Variants in NHSL3 observed in about 807,000 individuals in gnomAD.
NHSL3 encodes the protein NHS like 3, also known as NHS-like protein 3.
At chr1:32,763,907 C>T in the NHSL3 span, among the ~76,000 whole-genome samples, 3 of 151,928 alleles carry the variant, frequency 2.0e-5, no homozygotes, top group Non-Finnish European at 4.4e-5. Context: ...GTCACTCAGG[C>T]GGGAGTGCAG....
the NHSL3 span, among the ~76,000 whole-genome samples, chr1:32,760,596 T>G: frequency 6.6e-6 from 1 of 150,526 alleles, no homozygotes; most frequent in Non-Finnish European, 1.5e-5. Context: ...GTGTTTTTTT[T>G]TTTTTTTTGT....
chr1:32,742,008 G>C, the NHSL3 span: 1 of 1,224,668 alleles, frequency 8.2e-7, no homozygotes, highest in East Asian at 3.3e-5. Context: ...CGGGGAACCC[G>C]GGCGGCCCCC....
the NHSL3 span, among the ~76,000 whole-genome samples, chr1:32,764,158 G>C: frequency 2.0e-5 from 3 of 152,116 alleles, no homozygotes; most frequent in South Asian, 2.1e-4. Flanking sequence ...ACCATGCCCA[G>C]CCTATTCTTT....
chr1:32,771,916 C>G, the NHSL3 span: 1 of 1,594,486 alleles, frequency 6.3e-7, no homozygotes. Flanking sequence ...GAAACCACTG[C>G]GAAGGGCCCT....
At chr1:32,766,245 T>C in the NHSL3 span, among the ~76,000 whole-genome samples, 2 of 152,080 alleles carry the variant, frequency 1.3e-5, no homozygotes, top group African/African-American at 4.8e-5. Context: ...AAATCCTGTT[T>C]AGAGGCCTGG....
chr1:32,756,552 G>C, the NHSL3 span, among the ~76,000 whole-genome samples: 1 of 134,392 alleles, frequency 7.4e-6, no homozygotes, highest in Admixed American at 9.1e-5. Context: ...CCAGTAGCTT[G>C]AGAGGCTGAG....
chr1:32,750,518 A>AT, the NHSL3 span, among the ~76,000 whole-genome samples: 4 of 151,734 alleles, frequency 2.6e-5, no homozygotes, highest in African/African-American at 7.3e-5. Flanking sequence ...TTTCATTTTT[A>AT]TTTTTTGAGA....
the NHSL3 span, chr1:32,772,277 T>TCCCCCCCC: frequency 2.9e-5 from 46 of 1,586,890 alleles, no homozygotes; most frequent in Non-Finnish European, 3.4e-5. Flanking sequence ...TCTGTGGGAG[T>TCCCCCCCC]CCCCCCACCC....
At chr1:32,742,254 C>G in the NHSL3 span, 1 of 1,226,488 alleles carries the variant, frequency 8.2e-7, no homozygotes, top group Admixed American at 4.3e-5. Flanking sequence ...GGGGGCTCTG[C>G]CGGGGGTCCG....
At chr1:32,746,888 T>C in the NHSL3 span, among the ~76,000 whole-genome samples, 1 of 152,190 alleles carries the variant, frequency 6.6e-6, no homozygotes, top group African/African-American at 2.4e-5. Context: ...GTAGTCCTCC[T>C]GAGGGTTTCT....
the NHSL3 span, among the ~76,000 whole-genome samples, chr1:32,772,656 A>G: frequency 5.3e-5 from 8 of 152,096 alleles, no homozygotes; most frequent in Non-Finnish European, 1.2e-4. Flanking sequence ...CTCTTTCCCT[A>G]CCCTTCCTAG....
chr1:32,742,219 G>T, the NHSL3 span: 8 of 1,238,268 alleles, frequency 6.5e-6, no homozygotes, highest in South Asian at 1.4e-4. Context: ...GGCTGAGCGC[G>T]GGGGGGCGTC....
At chr1:32,771,222 C>T in the NHSL3 span, 27 of 1,612,978 alleles carry the variant, frequency 1.7e-5, no homozygotes, top group Non-Finnish European at 2.3e-5. Context: ...GGAGCCCTAA[C>T]CCAGCTGCCC....
chr1:32,771,929 C>G, the NHSL3 span: 1 of 1,599,112 alleles, frequency 6.3e-7, no homozygotes, highest in South Asian at 1.1e-5. Flanking sequence ...AGGGCCCTGT[C>G]AGGGCGGGCC....
At chr1:32,764,268 A>G in the NHSL3 span, among the ~76,000 whole-genome samples, 1 of 149,218 alleles carries the variant, frequency 6.7e-6, no homozygotes, top group Non-Finnish European at 1.5e-5. Flanking sequence ...TCACTACCCA[A>G]AATTACATTG....
At chr1:32,760,019 A>G in the NHSL3 span, among the ~76,000 whole-genome samples, 44 of 152,362 alleles carry the variant, frequency 2.9e-4, 2 homozygotes, top group South Asian at 6.8e-3. Context: ...TGGGAATAAA[A>G]TCTACATTCT....
At chr1:32,756,186 G>A in the NHSL3 span, among the ~76,000 whole-genome samples, 2 of 152,268 alleles carry the variant, frequency 1.3e-5, no homozygotes, top group Admixed American at 6.5e-5. Flanking sequence ...AATATTCTAG[G>A]CAATATATCA....
At chr1:32,748,376 T>C in the NHSL3 span, among the ~76,000 whole-genome samples, 3 of 152,006 alleles carry the variant, frequency 2.0e-5, no homozygotes, top group East Asian at 5.8e-4. Flanking sequence ...CCTAGATAGT[T>C]CCAAAGCAGT....
the NHSL3 span, among the ~76,000 whole-genome samples, chr1:32,751,942 A>G: frequency 1.3e-5 from 2 of 152,096 alleles, no homozygotes; most frequent in Non-Finnish European, 2.9e-5. Flanking sequence ...CTCTTCACAT[A>G]CCTGTCCTCA....
Sources: allele counts gnomAD v4.1 joint callset (sites outside exome capture counted in the v4.1 genomes callset), GRCh38; gene constraint gnomAD v4.1.1; transcripts MANE v1.5; gene names NCBI Gene and HGNC (gene_info 2026-07-23, HGNC 2026-07-21).